Variants in SHANK2 observed in about 807,000 individuals in gnomAD.
The protein encoded by SHANK2 is SH3 and multiple ankyrin repeat domains protein 2.
Under a neutral mutation model 133.7 loss-of-function variants are expected in SHANK2, and 43 were observed. The ratio of observed to expected loss-of-function variants is 0.32; its 90% CI spans 0.25 to 0.41. The LOEUF (loss-of-function observed/expected upper bound fraction) is 0.41, where lower values mean the gene tolerates loss of function less well. Ranked by LOEUF, SHANK2 falls within the 10% of genes least tolerant of loss-of-function variation. The probability of loss-of-function intolerance (pLI) is 1.00; values close to 1 mark genes in which losing one functional copy is unlikely to be tolerated. For missense variants in SHANK2, 1,994 were observed against 2,235.8 expected (o/e 0.89, Z 2.18); for synonymous variants, 1,017 against 952.8 (o/e 1.07, Z -1.24).
intron 14 of SHANK2, among the ~76,000 whole-genome samples, chr11:70,751,119 A>G (rs1274443525): frequency 6.6e-6 from 1 of 152,256 alleles, no homozygotes; most frequent in Admixed American, 6.5e-5. Flanking sequence ...AGACAGATCC[A>G]TAGAAATTAT....
chr11:70,501,131 G>A (rs922164217), intron 20 of SHANK2, among the ~76,000 whole-genome samples: 1 of 152,222 alleles, frequency 6.6e-6, no homozygotes, highest in Non-Finnish European at 1.5e-5. Context: ...TGGGGCACGC[G>A]GGGCACTACT....
intron 1 of SHANK2, among the ~76,000 whole-genome samples, chr11:71,247,321 A>G (rs1954974118): frequency 6.6e-6 from 1 of 152,240 alleles, no homozygotes; most frequent in Admixed American, 6.5e-5. Flanking sequence ...ACCTATAAAG[A>G]AAAATTTTAG....
intron 10 of SHANK2, among the ~76,000 whole-genome samples, chr11:70,922,551 T>C (rs1485451010): frequency 6.6e-6 from 1 of 152,000 alleles, no homozygotes; most frequent in Non-Finnish European, 1.5e-5. Context: ...CAAAAGAAAC[T>C]AGATAAGGGA....
At chr11:71,127,033 T>C (rs1337838900) in intron 3 of SHANK2, among the ~76,000 whole-genome samples, 6 of 152,068 alleles carry the variant, frequency 3.9e-5, no homozygotes, top group Admixed American at 6.6e-5. Flanking sequence ...TAAGTGGAGG[T>C]GAAAATATCA....
intron 17 of SHANK2, among the ~76,000 whole-genome samples, chr11:70,533,079 A>T (rs1554973530): frequency 6.6e-6 from 1 of 152,078 alleles, no homozygotes; most frequent in African/African-American, 2.4e-5. Context: ...ACGTTGCCGG[A>T]GGCTGGGGGG....
intron 9 of SHANK2, among the ~76,000 whole-genome samples, chr11:71,073,769 G>A (rs1292627744): frequency 1.3e-5 from 2 of 152,164 alleles, no homozygotes; most frequent in East Asian, 3.9e-4. Flanking sequence ...CTGGCTGGAA[G>A]GCCTGCTTTT....
chr11:71,064,736 G>A (rs2135943872), intron 9 of SHANK2, among the ~76,000 whole-genome samples: 1 of 152,204 alleles, frequency 6.6e-6, no homozygotes, highest in Admixed American at 6.5e-5. Context: ...GACAAGTCCC[G>A]GGATGAGAGG....
chr11:71,189,820 G>A (rs111946085), intron 2 of SHANK2, among the ~76,000 whole-genome samples: 2 of 152,340 alleles, frequency 1.3e-5, no homozygotes, highest in South Asian at 4.1e-4. Context: ...GCTGCCCTTG[G>A]GGGTGAATGA....
At chr11:71,115,797 C>G (rs1555100235) in intron 4 of SHANK2, among the ~76,000 whole-genome samples, 1 of 152,168 alleles carries the variant, frequency 6.6e-6, no homozygotes, top group African/African-American at 2.4e-5. Context: ...TGGAAATGAT[C>G]AGCCCCTGAA....
intron 2 of SHANK2, 64 bp from the exon 3 acceptor site, chr11:71,147,402 C>T (rs1175664984): frequency 1.5e-6 from 2 of 1,357,036 alleles, no homozygotes; most frequent in Non-Finnish European, 1.0e-6. Context: ...AACCCAGGGG[C>T]ACGGTGGACA....
intron 14 of SHANK2, among the ~76,000 whole-genome samples, chr11:70,757,813 A>C (rs576544305): frequency 7.2e-4 from 110 of 152,252 alleles, no homozygotes; most frequent in Admixed American, 1.4e-3. Context: ...GGGTCCCCCG[A>C]CACACCATCC....
intron 17 of SHANK2, among the ~76,000 whole-genome samples, chr11:70,585,459 T>C (rs1212117280): frequency 6.6e-6 from 1 of 152,182 alleles, no homozygotes; most frequent in African/African-American, 2.4e-5. Context: ...TGCCCTGCAA[T>C]ACTCTCCAAT....
intron 17 of SHANK2, among the ~76,000 whole-genome samples, chr11:70,568,646 G>GGGGGGGCCCCCCCC (rs2059999450): frequency 1.3e-5 from 1 of 79,966 alleles, no homozygotes; most frequent in Non-Finnish European, 2.8e-5. Flanking sequence ...GCGGATTCCT[G>GGGGGGGCCCCCCCC]CCCCCCCCGC....
chr11:71,233,110 G>T (rs1954770872), intron 1 of SHANK2, among the ~76,000 whole-genome samples: 1 of 151,778 alleles, frequency 6.6e-6, no homozygotes. Flanking sequence ...CCATAAGTGT[G>T]AGGCCAGCCT....
chr11:70,939,253 T>A (rs7933995), intron 10 of SHANK2, among the ~76,000 whole-genome samples: 8,554 of 152,106 alleles, frequency 0.056, 807 homozygotes, highest in African/African-American at 0.2. Flanking sequence ...GGCGGGCAGA[T>A]CACCTGAGGT....
rs566182108 is a variant in SHANK2 at position 70,587,424 on chromosome 11, CAG to C, written c.2061+72402_2061+72403del. On this transcript the variant is annotated intron_variant, in intron 17 of 25. Coordinates refer to ENST00000601538, the MANE Select transcript of SHANK2 (RefSeq NM_012309.5). Reference sequence around the variant, plus strand: ...CGGGTACATCTGTAAACATGAGAGTCAGGGAAAAACGAAATTGGTCTGGGGCA... The same window carrying C: ...CGGGTACATCTGTAAACATGAGAGTCGGAAAAACGAAATTGGTCTGGGGCA... 2.0e-5 allele frequency among the ~76,000 whole-genome samples: 3 copies of C among 152,138 alleles called. No individual in the cohort carries two copies. In the South Asian group the frequency reaches 6.2e-4, roughly 32 times the overall value.
intron 17 of SHANK2, among the ~76,000 whole-genome samples, chr11:70,568,303 C>G (rs1172166085): frequency 1.3e-5 from 2 of 152,210 alleles, no homozygotes; most frequent in Non-Finnish European, 2.9e-5. Flanking sequence ...CGAAACCGCC[C>G]TGGAAGTGAG....
At chr11:70,630,749 A>G (rs1295224066) in intron 17 of SHANK2, among the ~76,000 whole-genome samples, 1 of 152,168 alleles carries the variant, frequency 6.6e-6, no homozygotes, top group Non-Finnish European at 1.5e-5. Context: ...CCCCTAGAGC[A>G]CTGGAGGGAG....
intron 1 of SHANK2, among the ~76,000 whole-genome samples, chr11:71,234,183 T>TAAAAA (rs71049965): frequency 3.7e-4 from 13 of 35,476 alleles, no homozygotes; most frequent in African/African-American, 1.3e-3. Flanking sequence ...CCCTCTCTAC[T>TAAAAA]AAAAAAAAAA....
Sources: allele counts gnomAD v4.1 joint callset (sites outside exome capture counted in the v4.1 genomes callset), GRCh38; gene constraint gnomAD v4.1.1; transcripts MANE v1.5; gene names NCBI Gene and HGNC (gene_info 2026-07-23, HGNC 2026-07-21).